Variants in TNK1 observed in about 807,000 individuals in gnomAD.
The protein encoded by TNK1 is tyrosine kinase non receptor 1.
Under a neutral mutation model 65.2 loss-of-function variants are expected in TNK1, and 53 were observed. That is an observed-to-expected ratio of 0.81 (90% CI 0.65 to 1.02). TNK1 has a LOEUF of 1.02. Among genes scored for constraint, TNK1 ranks in the 50% least tolerant of loss-of-function variants. The pLI is 0.00. For missense variants in TNK1, 837 were observed against 878.4 expected, an observed-to-expected ratio of 0.95 and a Z score of 0.60; for synonymous variants, 353 against 364.6, an observed-to-expected ratio of 0.97 and a Z score of 0.36.
Position 7,386,978 on chromosome 17 carries a change from C to G in TNK1, c.1233-12C>G, listed in dbSNP as rs181496950. 2 of 1,539,750 alleles carry G rather than the reference C, an allele frequency of 1.3e-6. No individual in the cohort carries two copies. ...TTATTCCCATCCTATTTACCAGCTCCTCTTTCCACAGCCCCGACTCCACAA... is the reference window on the plus strand; with the variant it reads ...TTATTCCCATCCTATTTACCAGCTCGTCTTTCCACAGCCCCGACTCCACAA... On this transcript the variant is annotated splice_polypyrimidine_tract_variant and intron_variant, in intron 8 of 12. Coordinates refer to ENST00000688331, the MANE Select transcript of TNK1 (RefSeq NM_003985.6).
chr17:7,384,284 T>C (rs1905045149), intron 6 of TNK1, 31 bp downstream of exon 6: 17 of 1,439,876 alleles, frequency 1.2e-5, no homozygotes, highest in Non-Finnish European at 1.4e-5. Flanking sequence ...GGTCGGGCTC[T>C]GAGCCGGGCG....
chr17:7,380,493 G>C (rs928739030), upstream of TNK1: 11 of 152,462 alleles, frequency 7.2e-5, no homozygotes, highest in Non-Finnish European at 1.5e-4. Context: ...TCAGTAATGG[G>C]GAAGCGTGCC....
chr17:7,385,630 T>A (rs1905138853), intron 7 of TNK1, among the ~76,000 whole-genome samples: 1 of 152,010 alleles, frequency 6.6e-6, no homozygotes, highest in Admixed American at 6.6e-5. Context: ...AGTGGTGGGA[T>A]CTTGGCTCAC....
rs781664621 is a variant in TNK1, at chr17:7,383,284, A to G, written c.198A>G (p.Leu66=). 1.9e-5 allele frequency: 30 copies of G among 1,614,022 alleles called. No individual in the cohort carries two copies. Among genetic ancestry groups the G allele is most frequent in the Non-Finnish European group, 2.5e-5 (29 of 1,179,892 alleles). Reference sequence around the variant, plus strand: ...GACTGTCCGAAGCTCTGAAAAGGCTACGTTCTGGGCCTAAGTCTAAGAACT... The same window carrying G: ...GACTGTCCGAAGCTCTGAAAAGGCTGCGTTCTGGGCCTAAGTCTAAGAACT... ...QRRLSEALKR[L]RSGPKSKNWV... is the part of the protein sequence containing the mutation. The change falls in exon 3 of 13, where the codon CTA becomes CTG. Residue 66 remains leucine (L), a synonymous_variant. Transcript: ENST00000688331.
chr17:7,387,153 G>A lies in TNK1; in HGVS notation c.1396G>A (p.Gly466Arg), dbSNP rs376128782. 1.9e-6 allele frequency: 3 copies of A among 1,581,716 alleles called. No homozygotes were observed. Among genetic ancestry groups the A allele is most frequent in the South Asian group, 2.3e-5 (2 of 86,854 alleles). The part of the protein sequence containing the change: ...RGDQHPGSID[G>R]DRKKANLWDA... ...AGATCAACACCCAGGAAGCATAGAT[G>A]GGTGAGGACCTGAAAGGGTGAGGGC... The change falls in exon 9 of 13, where the codon GGA (glycine) becomes AGA (arginine). Residue 466 changes from glycine to arginine, a missense_variant and splice_region_variant. Gly to Arg is a moderately radical substitution (Grantham distance 125). Coordinates refer to ENST00000688331, the MANE Select transcript of TNK1 (RefSeq NM_003985.6).
chr17:7,381,331 C>T (rs1904800494), intron 1 of TNK1, among the ~76,000 whole-genome samples: 1 of 152,210 alleles, frequency 6.6e-6, no homozygotes, highest in Admixed American at 6.5e-5. Flanking sequence ...CTTCCCAACC[C>T]AACCCTGTTC....
Position 7,384,058 on chromosome 17 carries a change from T to C in TNK1, c.671T>C (p.Leu224Pro). Residue 224 changes from leucine to proline, a missense_variant, in exon 6 of 13, where the codon CTC becomes CCC. Coordinates refer to ENST00000688331, the MANE Select transcript of TNK1 (RefSeq NM_003985.6). ...CCGCTGCTCGTGGCCCTGCTCTGCC[T>C]CTTCCTGCGGCAGCTGGCGGGAGCC... ...TPPLLVALLCLFLRQLAGAMA... is the reference protein window; with the variant it reads ...TPPLLVALLCPFLRQLAGAMA... The C allele has an allele frequency of 6.5e-7, 1 of 1,535,616 alleles. No individual in the cohort carries two copies. The highest frequency in any genetic ancestry group is 8.7e-7 in the Non-Finnish European group (1 of 1,147,274).
Position 7,386,587 on chromosome 17 carries a change from G to T in TNK1, c.1164G>T (p.Val388=). 1 of 1,605,368 alleles carries T rather than the reference G, an allele frequency of 6.2e-7. No homozygotes were observed. The highest frequency in any genetic ancestry group is 1.7e-5 in the Admixed American group (1 of 58,848). Residue 388 remains valine (V), a synonymous_variant, in exon 8 of 13, where the codon GTG becomes GTT. Coordinates refer to ENST00000688331, the MANE Select transcript of TNK1 (RefSeq NM_003985.6). ...CCGGGCCTTCGGAAGCATGTTGTGT[G>T]AGGGATGTCACAGAACCAGGCGCCC... ...QEAGPSEACC[V]RDVTEPGALR... is the part of the protein sequence containing the mutation.
chr17:7,385,726 G>A (rs963197803), intron 7 of TNK1, among the ~76,000 whole-genome samples: 14 of 152,028 alleles, frequency 9.2e-5, no homozygotes, highest in Non-Finnish European at 1.2e-4. Flanking sequence ...CACCACGCCT[G>A]GCTAATTTTT....
Position 7,384,111 on chromosome 17 carries a change from G to C in TNK1, c.724G>C (p.Val242Leu). 6.5e-7 allele frequency: 1 copy of C among 1,548,040 alleles called. No individual in the cohort carries two copies. Among genetic ancestry groups the C allele is most frequent in the Non-Finnish European group, 8.7e-7 (1 of 1,154,644 alleles). ...GGCGTACCTGGGGGCCCGCGGGCTG[G>C]TGCACCGAGACCTCGCTACGCGCAA... ...AMAYLGARGL[V>L]HRDLATRNLL... The change falls in exon 6 of 13, where the codon GTG becomes CTG. Residue 242 changes from valine (V) to leucine (L), a missense_variant. Transcript: ENST00000688331.
chr17:7,383,988 C>G lies in TNK1; in HGVS notation c.601C>G (p.Leu201Val), dbSNP rs1190070882. Residue 201 changes from leucine to valine, a missense_variant, in exon 6 of 13, where the codon CTG becomes GTG. By Grantham distance (32) the Leu-to-Val change is conservative. Coordinates refer to ENST00000688331, the MANE Select transcript of TNK1 (RefSeq NM_003985.6). The stretch of plus-strand genomic sequence containing the variant: ...CCTGCAGGTGATGGAGCTGGCGCCA[C>G]TGGGCTCCCTGCACGCGCGCCTAAC... ...PLQMVMELAP[L>V]GSLHARLTAP... The G allele has an allele frequency of 1.2e-5, 18 of 1,496,012 alleles. No individual in the cohort carries two copies. Among genetic ancestry groups the G allele is most frequent in the Non-Finnish European group, 1.6e-5 (18 of 1,125,482 alleles). The allele number at this position is 1,496,012 out of a possible 1,614,324, so 92.7% of individuals were successfully genotyped here. A position where few individuals can be genotyped will look rare whatever the true frequency, so the allele number is the denominator to read the frequency against.
chr17:7,383,736 G>C lies in TNK1; in HGVS notation c.454G>C (p.Val152Leu), dbSNP rs376904642. 6.2e-7 allele frequency: 1 copy of C among 1,612,424 alleles called. No homozygotes were observed. Among genetic ancestry groups the C allele is most frequent in the Non-Finnish European group, 8.5e-7 (1 of 1,179,256 alleles). Residue 152 changes from valine (V) to leucine (L), a missense_variant, in exon 5 of 13, where the codon GTA becomes CTA. Val to Leu is a conservative substitution (Grantham distance 32, BLOSUM62 1). Coordinates refer to ENST00000688331, the MANE Select transcript of TNK1 (RefSeq NM_003985.6). Reference sequence around the variant, plus strand: ...CCCAGTGGCTGTCAAGTCCCTCCGGGTAGGTCCCGAAGGCCCGATGGGCAC... The same window carrying C: ...CCCAGTGGCTGTCAAGTCCCTCCGGCTAGGTCCCGAAGGCCCGATGGGCAC... ...SVPVAVKSLR[V>L]GPEGPMGTEL...
chr17:7,382,743 T>A lies in TNK1; in HGVS notation c.-91-93T>A. 1 of 660,590 alleles carries A rather than the reference T, an allele frequency of 1.5e-6. No individual in the cohort carries two copies. The highest frequency in any genetic ancestry group is 2.5e-6 in the Non-Finnish European group (1 of 395,222). The allele number at this position is 660,590 out of a possible 1,614,324, so 40.9% of individuals were successfully genotyped here. Reference sequence around the variant, plus strand: ...CCGGATGCCTGGGCACGGGGAACATTCTATCTGGGATTTGTGTGCGTGAGT... The same window carrying A: ...CCGGATGCCTGGGCACGGGGAACATACTATCTGGGATTTGTGTGCGTGAGT... On this transcript the variant is annotated intron_variant, in intron 1 of 12. Coordinates refer to ENST00000688331, the MANE Select transcript of TNK1 (RefSeq NM_003985.6). The surrounding 1 kb of genome is among the most constrained non-coding windows in gnomAD (Gnocchi z 4.1).
chr17:7,387,665 C>T (rs1434501340), intron 10 of TNK1, among the ~76,000 whole-genome samples: 1 of 149,266 alleles, frequency 6.7e-6, no homozygotes, highest in Non-Finnish European at 1.5e-5. Flanking sequence ...AGTGCAGTAG[C>T]GTGATCTTGG....
intron 5 of TNK1, 28 bp downstream of exon 5, chr17:7,383,892 G>C (rs1364407012): frequency 6.3e-7 from 1 of 1,593,286 alleles, no homozygotes; most frequent in Admixed American, 1.7e-5. Context: ...CTGGTTCCCG[G>C]GACAGCCGTG....
rs756131032 is a variant in TNK1 at position 7,386,619 on chromosome 17, T to G, written c.1196T>G (p.Met399Arg). ...RDVTEPGALR[M>R]ETGDPITVIE... is the part of the protein sequence containing the mutation. ...GTCACAGAACCAGGCGCCCTGAGGA[T>G]GGAGACTGGTGACCCCATCACAGTC... The change falls in exon 8 of 13, where the codon ATG becomes AGG. Residue 399 changes from methionine to arginine, a missense_variant. Coordinates refer to ENST00000688331, the MANE Select transcript of TNK1 (RefSeq NM_003985.6). 6.2e-7 allele frequency: 1 copy of G among 1,601,908 alleles called. No homozygotes were observed.
rs1905307999 is a variant in TNK1 at position 7,388,291 on chromosome 17, G to C, written c.1478-115G>C. The C allele has an allele frequency of 9.3e-7, 1 of 1,080,858 alleles. No individual in the cohort carries two copies. The highest frequency in any genetic ancestry group is 1.3e-6 in the Non-Finnish European group (1 of 758,446). 67.0% of individuals were successfully genotyped at this position (1,080,858 alleles called of 1,614,324 possible). ...AATACAAAAATTAGCCAGTCGTAAT[G>C]GCAGGCACCTATAGTCCCAGCTACT... On this transcript the variant is annotated intron_variant, in intron 10 of 12. Transcript: ENST00000688331. This position sits in a 1 kb window ranked among gnomAD's most constrained non-coding sequence, Gnocchi z 4.5.
chr17:7,380,357 A>G (rs1904736902), upstream of TNK1, among the ~76,000 whole-genome samples: 1 of 152,180 alleles, frequency 6.6e-6, no homozygotes, highest in South Asian at 2.1e-4. Flanking sequence ...GGTCCTCCTC[A>G]GGGCCTTCTT....
Position 7,382,454 on chromosome 17 carries a change from G to A in TNK1, c.-91-382G>A, listed in dbSNP as rs374638799. Among the ~76,000 whole-genome samples, 104 of 152,256 alleles carry A rather than the reference G, an allele frequency of 6.8e-4. No individual in the cohort carries two copies. Among genetic ancestry groups the A allele is most frequent in the African/African-American group, 2.4e-3 (101 of 41,534 alleles). On this transcript the variant is annotated intron_variant, in intron 1 of 12. Transcript: ENST00000688331. This position sits in a 1 kb window ranked among gnomAD's most constrained non-coding sequence, Gnocchi z 4.1. ...TGAGCATCTCCAGTGTGTGTGGTAG[G>A]CAAACATGTCTCATGTTGGAGGAAG... is the stretch of plus-strand genomic sequence containing the variant.
Sources: allele counts gnomAD v4.1 joint callset (sites outside exome capture counted in the v4.1 genomes callset), GRCh38; gene constraint gnomAD v4.1.1; non-coding constraint Gnocchi (gnomAD v3.1); transcripts MANE v1.5; gene names NCBI Gene and HGNC (gene_info 2026-07-23, HGNC 2026-07-21).